The following ATP7A variants were observed in gnomAD, a reference collection of about 807,000 sequenced individuals.
ATP7A encodes the protein ATPase copper transporting alpha.
In ATP7A, 7 loss-of-function variants were observed where a neutral mutation model predicts 83.5. That is an observed-to-expected ratio of 0.08 (90% CI 0.05 to 0.16). ATP7A has a LOEUF of 0.16. Ranked by LOEUF, ATP7A falls within the 10% of genes least tolerant of loss-of-function variation. The probability of loss-of-function intolerance (pLI) is 1.00; values close to 1 mark genes in which losing one functional copy is unlikely to be tolerated. For missense variants in ATP7A, 940 were observed against 1,120.8 expected (o/e 0.84, Z 2.30); for synonymous variants, 354 against 395.2 (o/e 0.90, Z 1.24).
intron 4 of ATP7A, among the ~76,000 whole-genome samples, chrX:77,994,778 G>A (rs2077691636): frequency 9.0e-6 from 1 of 111,308 alleles, no homozygotes; most frequent in African/African-American, 3.3e-5. Flanking sequence ...CTGGGCTCAA[G>A]CAGTCCACCC....
intron 2 of ATP7A, among the ~76,000 whole-genome samples, chrX:77,981,659 G>A (rs1319846040): frequency 9.0e-6 from 1 of 111,169 alleles, no homozygotes; most frequent in African/African-American, 3.3e-5. Context: ...AAGAAAGAGA[G>A]AAAGAGAGAG....
At chrX:77,920,257 C>T (rs1557222964) in intron 1 of ATP7A, among the ~76,000 whole-genome samples, 1 of 107,774 alleles carries the variant, frequency 9.3e-6, no homozygotes, top group Non-Finnish European at 1.9e-5. Context: ...GCTCTGTCGC[C>T]CAGGCTGGAG....
intron 1 of ATP7A, among the ~76,000 whole-genome samples, chrX:77,954,668 G>A (rs1266674926): frequency 9.0e-6 from 1 of 111,191 alleles, no homozygotes; most frequent in African/African-American, 3.3e-5. Context: ...TTTAGAATGT[G>A]GTAGCAATTT....
chrX:78,035,083 G>A lies in ATP7A; in HGVS notation c.3511+1262G>A, dbSNP rs1001511860. Among the ~76,000 whole-genome samples, 37 of 111,208 alleles carry A rather than the reference G, an allele frequency of 3.3e-4. 1 individual carries two copies. The highest frequency in any genetic ancestry group is 1.1e-3 in the African/African-American group (35 of 30,557). On this transcript the variant is annotated intron_variant, in intron 17 of 22. Transcript: ENST00000341514. ...TGTCCTTTGGTTCCTCATTTCTCTT[G>A]CTTTCAAATGTCGTATGTCGTCAGG...
At chrX:77,972,731 G>A (rs956953208) in intron 2 of ATP7A, among the ~76,000 whole-genome samples, 18 of 110,607 alleles carry the variant, frequency 1.6e-4, no homozygotes, top group African/African-American at 5.3e-4. Context: ...CAAACTCCTG[G>A]ACTCAAGTGA....
At chrX:77,946,057 T>G (rs1358715972) in intron 1 of ATP7A, among the ~76,000 whole-genome samples, 2 of 111,356 alleles carry the variant, frequency 1.8e-5, no homozygotes, top group African/African-American at 6.5e-5. Flanking sequence ...CACAGCACTT[T>G]GGGAGACCTA....
At chrX:77,919,806 A>G (rs2077203271) in intron 1 of ATP7A, among the ~76,000 whole-genome samples, 1 of 111,875 alleles carries the variant, frequency 8.9e-6, no homozygotes, top group Non-Finnish European at 1.9e-5. Flanking sequence ...ACCATTTTTA[A>G]AGGTACAAGT....
At chrX:78,027,600 A>G (rs2077953865) in intron 14 of ATP7A, among the ~76,000 whole-genome samples, 1 of 112,342 alleles carries the variant, frequency 8.9e-6, no homozygotes, top group Admixed American at 9.5e-5. Context: ...AGCAATCCTA[A>G]AATTCATATG....
chrX:77,942,891 C>T (rs1243205780), intron 1 of ATP7A, among the ~76,000 whole-genome samples: 1 of 112,011 alleles, frequency 8.9e-6, no homozygotes, highest in African/African-American at 3.2e-5. Context: ...TGACTGCAAA[C>T]ACCACCTCCC....
chrX:78,008,783 A>G (rs192083618), intron 6 of ATP7A, among the ~76,000 whole-genome samples: 1 of 110,341 alleles, frequency 9.1e-6, no homozygotes, highest in East Asian at 2.8e-4. Flanking sequence ...CGGGCTGGGC[A>G]TGGTGGATCA....
intron 5 of ATP7A, among the ~76,000 whole-genome samples, chrX:77,998,943 G>A (rs967674448): frequency 4.6e-5 from 5 of 109,796 alleles, no homozygotes; most frequent in Admixed American, 3.9e-4. Context: ...AGAAATACAC[G>A]AGATTACTAT....
At chrX:78,043,797 A>G (rs1176235492) in intron 21 of ATP7A, among the ~76,000 whole-genome samples, 3 of 104,706 alleles carry the variant, frequency 2.9e-5, no homozygotes, top group Non-Finnish European at 3.9e-5. Flanking sequence ...AACTGGGACT[A>G]TAGGTGCCCG....
intron 1 of ATP7A, among the ~76,000 whole-genome samples, chrX:77,916,716 G>A (rs1335964364): frequency 8.9e-6 from 1 of 111,842 alleles, no homozygotes; most frequent in East Asian, 2.8e-4. Flanking sequence ...TTACAAAGTT[G>A]TGTGTAAATT....
intron 6 of ATP7A, among the ~76,000 whole-genome samples, chrX:78,007,335 T>C (rs1243720944): frequency 1.8e-5 from 2 of 111,811 alleles, no homozygotes; most frequent in East Asian, 2.8e-4. Context: ...TTTTACCTTT[T>C]TTTTTTTTGA....
chrX:77,946,009 G>A (rs897062833), intron 1 of ATP7A, among the ~76,000 whole-genome samples: 2 of 111,116 alleles, frequency 1.8e-5, no homozygotes, highest in African/African-American at 6.5e-5. Context: ...TGTCAAAAAA[G>A]ATGAGGTAGG....
chrX:77,937,896 C>T (rs1557225191), intron 1 of ATP7A, among the ~76,000 whole-genome samples: 2 of 108,170 alleles, frequency 1.8e-5, no homozygotes, highest in Middle Eastern at 4.7e-3. Flanking sequence ...CTCACACACA[C>T]ACACACACAC....
At chrX:78,008,150 T>C (rs906769271) in intron 6 of ATP7A, among the ~76,000 whole-genome samples, 5 of 112,240 alleles carry the variant, frequency 4.5e-5, no homozygotes, top group Non-Finnish European at 7.5e-5. Flanking sequence ...AGTTTTCTCA[T>C]TGCTTTTACA....
chrX:77,917,362 C>G (rs2077190478), intron 1 of ATP7A, among the ~76,000 whole-genome samples: 1 of 111,285 alleles, frequency 9.0e-6, no homozygotes, highest in Non-Finnish European at 1.9e-5. Flanking sequence ...GCTTTGGGGT[C>G]ATACTGCCTT....
At chrX:77,954,555 G>A (rs1453060936) in intron 1 of ATP7A, among the ~76,000 whole-genome samples, 1 of 111,986 alleles carries the variant, frequency 8.9e-6, no homozygotes, top group Non-Finnish European at 1.9e-5. Flanking sequence ...AACAAGTTAA[G>A]TAATAAGATT....
Sources: gnomAD v4.1 joint callset for allele counts (sites outside exome capture counted in the v4.1 genomes callset) on GRCh38, gnomAD v4.1.1 for gene constraint, MANE v1.5 for transcripts, NCBI Gene and HGNC (gene_info 2026-07-23, HGNC 2026-07-21) for gene names.